Variants in GREM2 observed in about 807,000 individuals in gnomAD.
The protein encoded by GREM2 is gremlin 2, DAN family BMP antagonist, also known as gremlin-2.
A neutral mutation model predicts 14.2 loss-of-function variants in GREM2; 11 were observed. The ratio of observed to expected loss-of-function variants is 0.78; its 90% CI spans 0.49 to 1.28. The LOEUF (loss-of-function observed/expected upper bound fraction) is 1.28, where lower values mean the gene tolerates loss of function less well. Among genes scored for constraint, GREM2 ranks in the 50% most tolerant of loss-of-function variants. The pLI, the probability that GREM2 is intolerant of heterozygous loss-of-function variation, is 0.00. For missense variants in GREM2, 210 were observed against 218.5 expected, an observed-to-expected ratio of 0.96 and a Z score of 0.24; for synonymous variants, 98 against 97.6, an observed-to-expected ratio of 1.00 and a Z score of -0.02.
At chr1:240,513,798 A>G (rs986974425) in intron 1 of GREM2, among the ~76,000 whole-genome samples, 6 of 152,132 alleles carry the variant, frequency 3.9e-5, no homozygotes, top group Non-Finnish European at 8.8e-5. Context: ...TGACTTGGAA[A>G]CTTAACTCAT....
At chr1:240,591,504 C>T (rs1015052425) in intron 1 of GREM2, among the ~76,000 whole-genome samples, 7 of 152,144 alleles carry the variant, frequency 4.6e-5, no homozygotes, top group African/African-American at 1.4e-4. Context: ...TTTGGTATTC[C>T]TTCCTCACTC....
chr1:240,594,261 A>G (rs1679771523), intron 1 of GREM2, among the ~76,000 whole-genome samples: 1 of 152,088 alleles, frequency 6.6e-6, no homozygotes, highest in Non-Finnish European at 1.5e-5. Flanking sequence ...TCCCGGCCTC[A>G]TCCTGGTTTT....
intron 1 of GREM2, among the ~76,000 whole-genome samples, chr1:240,604,143 C>A (rs535671166): frequency 6.6e-6 from 1 of 151,796 alleles, no homozygotes; most frequent in Non-Finnish European, 1.5e-5. Flanking sequence ...TGAGGGAGAA[C>A]CCACTCATTA....
At chr1:240,575,347 T>G (rs1679340151) in intron 1 of GREM2, among the ~76,000 whole-genome samples, 1 of 151,674 alleles carries the variant, frequency 6.6e-6, no homozygotes, top group African/African-American at 2.4e-5. Context: ...AGAATGAGAG[T>G]TGCAAAGCCA....
At chr1:240,586,848 C>A (rs1304415354) in intron 1 of GREM2, among the ~76,000 whole-genome samples, 2 of 152,116 alleles carry the variant, frequency 1.3e-5, no homozygotes, top group Admixed American at 6.5e-5. Flanking sequence ...TTTAAAGATG[C>A]CTATCAGGGG....
chr1:240,535,672 G>T (rs1256857833), intron 1 of GREM2, among the ~76,000 whole-genome samples: 3 of 151,904 alleles, frequency 2.0e-5, no homozygotes, highest in South Asian at 2.1e-4. Context: ...CACGGTGCAT[G>T]CCTGTAATCC....
At chr1:240,574,664 G>C (rs148499018) in intron 1 of GREM2, among the ~76,000 whole-genome samples, 1 of 151,760 alleles carries the variant, frequency 6.6e-6, no homozygotes, top group African/African-American at 2.4e-5. Flanking sequence ...TGGGGGTGTC[G>C]AGGGTGTGGA....
chr1:240,551,029 A>T (rs1029632829), intron 1 of GREM2, among the ~76,000 whole-genome samples: 1 of 152,244 alleles, frequency 6.6e-6, no homozygotes, highest in African/African-American at 2.4e-5. Flanking sequence ...AAAGTTTTCT[A>T]TCCTGGGCTA....
At chr1:240,599,521 C>T (rs1001509170) in intron 1 of GREM2, among the ~76,000 whole-genome samples, 2 of 152,148 alleles carry the variant, frequency 1.3e-5, no homozygotes, top group African/African-American at 4.8e-5. Flanking sequence ...CATTTCTTTC[C>T]CTGAATCCGG....
intron 1 of GREM2, among the ~76,000 whole-genome samples, chr1:240,607,172 C>A (rs924031846): frequency 6.6e-6 from 1 of 152,022 alleles, no homozygotes; most frequent in Admixed American, 6.6e-5. Context: ...GAGGGAAGCA[C>A]GTAGAATTGA....
intron 1 of GREM2, among the ~76,000 whole-genome samples, chr1:240,600,031 C>A (rs1679891943): frequency 6.6e-6 from 1 of 152,186 alleles, no homozygotes; most frequent in Non-Finnish European, 1.5e-5. Flanking sequence ...TGTAATCTAT[C>A]TTGCAACACT....
chr1:240,519,458 C>T (rs904467180), intron 1 of GREM2, among the ~76,000 whole-genome samples: 2 of 151,822 alleles, frequency 1.3e-5, no homozygotes, highest in African/African-American at 4.8e-5. Flanking sequence ...AAATAAAATT[C>T]CCATATTCCC....
At chr1:240,592,907 G>T (rs538949144) in intron 1 of GREM2, among the ~76,000 whole-genome samples, 1 of 151,952 alleles carries the variant, frequency 6.6e-6, no homozygotes, top group South Asian at 2.1e-4. Context: ...GCCAAGGCAG[G>T]CGGATCACCT....
At chr1:240,513,691 T>C (rs1677887568) in intron 1 of GREM2, among the ~76,000 whole-genome samples, 1 of 152,038 alleles carries the variant, frequency 6.6e-6, no homozygotes, top group Non-Finnish European at 1.5e-5. Context: ...GACCAGATCA[T>C]GCATGGTCTT....
intron 1 of GREM2, among the ~76,000 whole-genome samples, chr1:240,538,391 G>A (rs1678519497): frequency 6.6e-6 from 1 of 152,092 alleles, no homozygotes; most frequent in South Asian, 2.1e-4. Context: ...GCCTGCATTT[G>A]TATTAAAGAC....
chr1:240,598,575 C>T (rs1679863544), intron 1 of GREM2, among the ~76,000 whole-genome samples: 1 of 152,164 alleles, frequency 6.6e-6, no homozygotes, highest in Non-Finnish European at 1.5e-5. Context: ...CATTCAACCC[C>T]AAGAATAGAG....
At chr1:240,535,647 G>T (rs1217666975) in intron 1 of GREM2, among the ~76,000 whole-genome samples, 1 of 151,726 alleles carries the variant, frequency 6.6e-6, no homozygotes, top group Non-Finnish European at 1.5e-5. Context: ...AAAAATACAA[G>T]AATTAGCCAG....
intron 1 of GREM2, chr1:240,531,808 A>G: frequency 2.6e-6 from 1 of 390,852 alleles, no homozygotes; most frequent in South Asian, 1.1e-4. Context: ...TCCTGTGTTC[A>G]AGCGATTCTC....
At chr1:240,531,303 C>T (rs975223813) in intron 1 of GREM2, among the ~76,000 whole-genome samples, 7 of 152,076 alleles carry the variant, frequency 4.6e-5, no homozygotes, top group African/African-American at 1.7e-4. Context: ...CGCTGGAGTA[C>T]CTCAAACAAA....
Sources: allele counts gnomAD v4.1 joint callset (sites outside exome capture counted in the v4.1 genomes callset), GRCh38; gene constraint gnomAD v4.1.1; transcripts MANE v1.5; gene names NCBI Gene and HGNC (gene_info 2026-07-23, HGNC 2026-07-21).